ARMC8: variants seen among roughly 807,000 people sequenced by gnomAD.
ARMC8 encodes the protein armadillo repeat-containing protein 8.
A neutral mutation model predicts 99.3 loss-of-function variants in ARMC8; 20 were observed. The observed-to-expected ratio is 0.20, with a 90% confidence interval of 0.14 to 0.29. The LOEUF is 0.29. Ranked by LOEUF, ARMC8 falls within the 10% of genes least tolerant of loss-of-function variation. The pLI is 1.00. For synonymous variants in ARMC8, 263 were observed against 278.3 expected (o/e 0.95, Z 0.55); for missense variants, 569 against 809.5 (o/e 0.70, Z 3.60).
At chr3:138,292,601 T>TGGACA (rs2051071380) in intron 21 of ARMC8, among the ~76,000 whole-genome samples, 1 of 152,180 alleles carries the variant, frequency 6.6e-6, no homozygotes, top group African/African-American at 2.4e-5. Context: ...CCTGAGCAAC[T>TGGACA]GGACAGAGGG....
At chr3:138,233,869 TATC>T (rs2108136656) in intron 6 of ARMC8, among the ~76,000 whole-genome samples, 1 of 152,326 alleles carries the variant, frequency 6.6e-6, no homozygotes, top group South Asian at 2.1e-4. Context: ...AAGCATGAAA[TATC>T]ATCCCTGTGT....
rs2051584611 is a variant in ARMC8 at position 138,297,464 on chromosome 3, G to T, written c.*1572G>T. On this transcript the variant is annotated 3_prime_UTR_variant, in exon 22 of 22. Coordinates refer to ENST00000469044, the MANE Select transcript of ARMC8 (RefSeq NM_001363941.2). ...GCGGTGAGTGTGTGCCACTGATGGAGCTCCAAGCCCACCCACCAGCCACTC... is the reference window on the plus strand; with the variant it reads ...GCGGTGAGTGTGTGCCACTGATGGATCTCCAAGCCCACCCACCAGCCACTC... The T allele has an allele frequency of 6.6e-6, 1 of 152,178 alleles. No homozygotes were observed. The highest frequency in any genetic ancestry group is 1.5e-5 in the Non-Finnish European group (1 of 68,038). The allele number at this position is 152,178 out of a possible 1,614,324, so 9.4% of individuals were successfully genotyped here.
Position 138,295,971 on chromosome 3 carries a change from T to G in ARMC8, c.*79T>G. ...CAGGAACCAGCCTCATTTGATTCCT[T>G]CTATTTGCACAAGTCACCTTGGACT... On this transcript the variant is annotated 3_prime_UTR_variant, in exon 22 of 22. Transcript: ENST00000469044. The G allele has an allele frequency of 6.7e-7, 1 of 1,495,786 alleles. No individual in the cohort carries two copies. The highest frequency in any genetic ancestry group is 9.2e-7 in the Non-Finnish European group (1 of 1,087,900). 92.7% of individuals were successfully genotyped at this position (1,495,786 alleles called of 1,614,324 possible). A position where few individuals can be genotyped will look rare whatever the true frequency, so the allele number is the denominator to read the frequency against.
chr3:138,194,667 C>T lies in ARMC8; in HGVS notation c.45+7068C>T, dbSNP rs1274013272. On this transcript the variant is annotated intron_variant, in intron 1 of 21. Transcript: ENST00000469044. ...TTATTTTTTTTTTTTTGAAAAATAG[C>T]TGTTAGAACTGTATAGGGTATTCCA... Among the ~76,000 whole-genome samples, 4 of 151,256 alleles carry T rather than the reference C, an allele frequency of 2.6e-5. No homozygotes were observed. In the East Asian group the frequency reaches 5.8e-4, roughly 22 times the overall value.
chr3:138,275,478 G>A (rs2049194338), intron 18 of ARMC8, among the ~76,000 whole-genome samples: 1 of 152,122 alleles, frequency 6.6e-6, no homozygotes, highest in Admixed American at 6.5e-5. Flanking sequence ...AGAATGGCGT[G>A]AACCTGGGAG....
chr3:138,263,602 A>G (rs2047971803), intron 12 of ARMC8, 137 bp from the exon 13 acceptor site: 2 of 776,588 alleles, frequency 2.6e-6, no homozygotes, highest in Non-Finnish European at 4.5e-6. Context: ...CCAGCGCAAG[A>G]TGATTGTTTG....
intron 1 of ARMC8, among the ~76,000 whole-genome samples, chr3:138,206,012 GTTAT>G (rs1474304062): frequency 6.6e-6 from 1 of 152,204 alleles, no homozygotes; most frequent in African/African-American, 2.4e-5. Context: ...TGATTTTAAT[GTTAT>G]TTAAACAAGT....
intron 6 of ARMC8, among the ~76,000 whole-genome samples, chr3:138,230,304 A>G (rs556644806): frequency 6.6e-6 from 1 of 152,314 alleles, no homozygotes; most frequent in Non-Finnish European, 1.5e-5. Flanking sequence ...ATGACGTCTT[A>G]TAGCCAGCCT....
At chr3:138,217,509 A>G (rs983465476) in intron 2 of ARMC8, among the ~76,000 whole-genome samples, 2 of 150,718 alleles carry the variant, frequency 1.3e-5, no homozygotes. Flanking sequence ...ATGCTGTGGT[A>G]GGCACTGTAC....
intron 12 of ARMC8, among the ~76,000 whole-genome samples, chr3:138,248,797 T>C (rs1399581738): frequency 1.3e-5 from 2 of 152,226 alleles, no homozygotes; most frequent in Non-Finnish European, 2.9e-5. Flanking sequence ...AGAAGTAAAG[T>C]GTAAATTAAA....
At chr3:138,281,663 CA>C (rs1174149953) in intron 18 of ARMC8, among the ~76,000 whole-genome samples, 1 of 152,158 alleles carries the variant, frequency 6.6e-6, no homozygotes, top group Non-Finnish European at 1.5e-5. Context: ...AGCTTCAAAA[CA>C]GAACTGTACC....
rs1371236327 is a variant in ARMC8, at chr3:138,289,118, A to G, written c.1892A>G (p.Glu631Gly). 1 of 1,611,682 alleles carries G rather than the reference A, an allele frequency of 6.2e-7. No homozygotes were observed. ...CISNLIWNEEEGSQERQDKLR... is the reference protein window; with the variant it reads ...CISNLIWNEEGGSQERQDKLR... The stretch of plus-strand genomic sequence containing the variant: ...TCAAACCTCATATGGAATGAAGAGG[A>G]AGGTAAGAGATTGGTGAGATTTGTT... Residue 631 changes from glutamate (E) to glycine (G), a missense_variant and splice_region_variant, in exon 20 of 22, where the codon GAA becomes GGA. Transcript: ENST00000469044.
In ARMC8 at chr3:138,223,535, T is replaced by C. The variant is rs1178438925; in HGVS notation, c.337+4T>C. 1 of 1,614,060 alleles carries C rather than the reference T, an allele frequency of 6.2e-7. No homozygotes were observed. Among genetic ancestry groups the C allele is most frequent in the Non-Finnish European group, 8.5e-7 (1 of 1,180,030 alleles). On this transcript the variant is annotated splice_donor_region_variant and intron_variant, in intron 4 of 21. Coordinates refer to ENST00000469044, the MANE Select transcript of ARMC8 (RefSeq NM_001363941.2). ...ATTATCCCTGCCTTATTGCAAGGTA[T>C]GTAGGGAAGCCATTTTTGCTCAATT...
At chr3:138,275,670 G>A (rs1038312395) in intron 18 of ARMC8, among the ~76,000 whole-genome samples, 6 of 152,186 alleles carry the variant, frequency 3.9e-5, no homozygotes, top group Non-Finnish European at 7.3e-5. Context: ...TTCAGGGGCT[G>A]TGCTTCTCAT....
At chr3:138,211,314 A>G (rs1347356538) in intron 2 of ARMC8, among the ~76,000 whole-genome samples, 1 of 152,220 alleles carries the variant, frequency 6.6e-6, no homozygotes, top group African/African-American at 2.4e-5. Flanking sequence ...AATAAATGGT[A>G]TTAAAAGATG....
At chr3:138,272,875 A>G in intron 16 of ARMC8, 92 bp from the exon 17 acceptor site, 1 of 1,199,882 alleles carries the variant, frequency 8.3e-7, no homozygotes, top group African/African-American at 1.6e-5. Context: ...CTGTCTCAAA[A>G]AAATAAAAAA....
intron 18 of ARMC8, among the ~76,000 whole-genome samples, chr3:138,279,049 C>G (rs1163858377): frequency 6.6e-6 from 1 of 152,112 alleles, no homozygotes; most frequent in Non-Finnish European, 1.5e-5. Flanking sequence ...CTAGCTAGAA[C>G]TTGCAGTGTA....
intron 6 of ARMC8, among the ~76,000 whole-genome samples, chr3:138,233,155 T>C (rs936430665): frequency 6.6e-6 from 1 of 152,226 alleles, no homozygotes; most frequent in African/African-American, 2.4e-5. Context: ...GTGAAGTGTT[T>C]AGAGCAGTGC....
At chr3:138,270,975 A>G (rs1483241740) in intron 16 of ARMC8, among the ~76,000 whole-genome samples, 2 of 152,164 alleles carry the variant, frequency 1.3e-5, no homozygotes, top group Admixed American at 6.5e-5. Flanking sequence ...ATATATTGGT[A>G]TATATTCACT....
Sources: allele counts gnomAD v4.1 joint callset (sites outside exome capture counted in the v4.1 genomes callset), GRCh38; gene constraint gnomAD v4.1.1; transcripts MANE v1.5; gene names NCBI Gene and HGNC (gene_info 2026-07-23, HGNC 2026-07-21).